MAP2: variants seen among roughly 807,000 people sequenced by gnomAD.
MAP2 encodes microtubule-associated protein 2.
MAP2 carries 14 observed loss-of-function variants against 137.6 expected under a neutral mutation model. The ratio of observed to expected loss-of-function variants is 0.10; its 90% CI spans 0.07 to 0.16. MAP2 has a LOEUF of 0.16. MAP2 is among the 10% of genes least tolerant of loss of function. The pLI, the probability that MAP2 is intolerant of heterozygous loss-of-function variation, is 1.00. For missense variants in MAP2, 2,088 were observed against 2,191.5 expected (o/e 0.95, Z 0.94); for synonymous variants, 786 against 782.3 (o/e 1.00, Z -0.08).
intron 2 of MAP2, among the ~76,000 whole-genome samples, chr2:209,568,299 T>G (rs983592736): frequency 3.3e-5 from 5 of 151,940 alleles, no homozygotes; most frequent in African/African-American, 2.4e-5. Flanking sequence ...ATTCACAAAA[T>G]AAATATATGC....
At chr2:209,448,876 G>A (rs1027967841) in intron 1 of MAP2, among the ~76,000 whole-genome samples, 3 of 152,142 alleles carry the variant, frequency 2.0e-5, no homozygotes, top group African/African-American at 7.2e-5. Flanking sequence ...ATTAAAGCAT[G>A]GACATATCTT....
At position 209,661,903 on chromosome 2, in the gene MAP2, T is replaced by C. The variant is rs1212869787; in HGVS notation, c.262+8471T>C. The stretch of plus-strand genomic sequence containing the variant: ...AGGTATTGCCAGCCACAGCGTTTGA[T>C]ATTTTACAAATTAGAGGAAAAAAAC... On this transcript the variant is annotated intron_variant, in intron 5 of 15. Coordinates refer to ENST00000682079, the MANE Select transcript of MAP2 (RefSeq NM_001375505.1). 3.3e-5 allele frequency among the ~76,000 whole-genome samples: 5 copies of C among 152,218 alleles called. No individual in the cohort carries two copies. The East Asian group carries it at 9.6e-4, about 29-fold the overall frequency.
At chr2:209,583,168 T>C (rs2076910224) in intron 3 of MAP2, among the ~76,000 whole-genome samples, 1 of 151,524 alleles carries the variant, frequency 6.6e-6, no homozygotes, top group South Asian at 2.1e-4. Context: ...TATCTATCTA[T>C]CTATCTATCT....
At chr2:209,616,988 A>G (rs2089676232) in intron 3 of MAP2, among the ~76,000 whole-genome samples, 1 of 151,872 alleles carries the variant, frequency 6.6e-6, no homozygotes, top group African/African-American at 2.4e-5. Flanking sequence ...CCTCTGTGCA[A>G]CATTCCTTCC....
intron 3 of MAP2, among the ~76,000 whole-genome samples, chr2:209,618,649 G>T (rs757638827): frequency 6.6e-6 from 1 of 152,132 alleles, no homozygotes; most frequent in African/African-American, 2.4e-5. Context: ...TGGAGAGAAT[G>T]TGGAGAAAAG....
intron 3 of MAP2, among the ~76,000 whole-genome samples, chr2:209,606,634 A>G (rs1001204279): frequency 2.0e-5 from 3 of 152,192 alleles, no homozygotes; most frequent in Middle Eastern, 3.2e-3. Flanking sequence ...AATTGGACAT[A>G]TGAAAGAGCT....
chr2:209,725,394 A>G (rs1256178519), intron 13 of MAP2, among the ~76,000 whole-genome samples: 7 of 152,154 alleles, frequency 4.6e-5, no homozygotes, highest in Non-Finnish European at 7.4e-5. Flanking sequence ...AAGGTTAAAC[A>G]GTGTTGCTTA....
In MAP2 at chr2:209,695,215, A is replaced by G; in HGVS notation, c.3045A>G (p.Ala1015=). Residue 1015 remains alanine, a synonymous_variant, in exon 8 of 16, where the codon GCA becomes GCG. Transcript: ENST00000682079. ...SIPTDASSEK[A]EKGLSSVPEI... The stretch of plus-strand genomic sequence containing the variant: ...CAACAGATGCATCCTCTGAGAAAGC[A>G]GAGAAGGGTCTTAGTTCAGTGCCAG... 2 of 1,614,192 alleles carry G rather than the reference A, an allele frequency of 1.2e-6. No individual in the cohort carries two copies. The highest frequency in any genetic ancestry group is 2.2e-5 in the East Asian group (1 of 44,876).
In MAP2 at chr2:209,695,681, G is replaced by C. The variant is rs757869881; in HGVS notation, c.3511G>C (p.Val1171Leu). 26 of 1,614,142 alleles carry C rather than the reference G, an allele frequency of 1.6e-5. No homozygotes were observed. Among genetic ancestry groups the C allele is most frequent in the Non-Finnish European group, 2.1e-5 (25 of 1,180,018 alleles). Residue 1171 changes from valine to leucine, a missense_variant, in exon 8 of 16, where the codon GTG (valine) becomes CTG (leucine). Val to Leu is a conservative substitution (Grantham distance 32). This residue lies in a region of MAP2 where 591 missense variants were observed against 642.6 expected (regional missense o/e 0.92). Coordinates refer to ENST00000682079, the MANE Select transcript of MAP2 (RefSeq NM_001375505.1). ...IQDEIAVKLS[V>L]EIPCPPAVSE... Reference sequence around the variant, plus strand: ...AGATGAGATTGCCGTCAAATTGTCAGTGGAAATACCTTGCCCACCTGCTGT... The same window carrying C: ...AGATGAGATTGCCGTCAAATTGTCACTGGAAATACCTTGCCCACCTGCTGT...
chr2:209,558,769 T>C (rs1162731469), intron 2 of MAP2, among the ~76,000 whole-genome samples: 2 of 151,884 alleles, frequency 1.3e-5, no homozygotes, highest in Non-Finnish European at 2.9e-5. Flanking sequence ...AGCACCTGCT[T>C]TTTTAAAATT....
At chr2:209,465,052 T>TC (rs1703792176) in intron 1 of MAP2, among the ~76,000 whole-genome samples, 2 of 152,060 alleles carry the variant, frequency 1.3e-5, no homozygotes, top group African/African-American at 4.8e-5. Flanking sequence ...CTATGACCAT[T>TC]CCCCCAGTGT....
chr2:209,598,897 G>A (rs915251213), intron 3 of MAP2, among the ~76,000 whole-genome samples: 17 of 151,052 alleles, frequency 1.1e-4, no homozygotes, highest in East Asian at 5.9e-4. Context: ...GAATAATGCC[G>A]CAATAAACAT....
chr2:209,700,168 G>T, intron 10 of MAP2, 109 bp from the exon 11 acceptor site: 1 of 781,514 alleles, frequency 1.3e-6, no homozygotes, highest in Non-Finnish European at 2.2e-6. Flanking sequence ...GCAAACTTTT[G>T]CTTTGCATTA....
intron 1 of MAP2, among the ~76,000 whole-genome samples, chr2:209,465,651 C>A (rs1703956827): frequency 1.3e-5 from 2 of 152,090 alleles, no homozygotes; most frequent in South Asian, 4.1e-4. Flanking sequence ...TAGGATGTAA[C>A]CACTTGGCAT....
At chr2:209,431,901 G>T (rs2149289965) in intron 1 of MAP2, among the ~76,000 whole-genome samples, 1 of 152,240 alleles carries the variant, frequency 6.6e-6, no homozygotes, top group South Asian at 2.1e-4. Context: ...TAAGCACTGA[G>T]ACTAAATCTG....
chr2:209,570,719 C>G (rs1463287608), intron 2 of MAP2, among the ~76,000 whole-genome samples: 1 of 151,584 alleles, frequency 6.6e-6, no homozygotes, highest in Non-Finnish European at 1.5e-5. Context: ...ATTTTGGAAG[C>G]CATTATGAAA....
At chr2:209,655,267 G>C (rs916371300) in intron 5 of MAP2, among the ~76,000 whole-genome samples, 2 of 152,168 alleles carry the variant, frequency 1.3e-5, no homozygotes, top group African/African-American at 4.8e-5. Flanking sequence ...TGATTACAAA[G>C]GTTTTGTCTG....
chr2:209,439,892 A>G (rs1359751345), intron 1 of MAP2, among the ~76,000 whole-genome samples: 3 of 151,522 alleles, frequency 2.0e-5, no homozygotes, highest in Non-Finnish European at 4.4e-5. Flanking sequence ...TAAATAAAAT[A>G]ACATCTTACT....
At chr2:209,701,131 G>T (rs1330225879) in intron 11 of MAP2, among the ~76,000 whole-genome samples, 1 of 151,848 alleles carries the variant, frequency 6.6e-6, no homozygotes, top group Non-Finnish European at 1.5e-5. Context: ...AATATTTAAA[G>T]TTTTTGCTGC....
Sources: gnomAD v4.1 joint callset for allele counts (sites outside exome capture counted in the v4.1 genomes callset) on GRCh38, gnomAD v4.1.1 for gene constraint, gnomAD v4.1.1 regional missense constraint, MANE v1.5 for transcripts, NCBI Gene and HGNC (gene_info 2026-07-23, HGNC 2026-07-21) for gene names.